The following PRKN variants were observed in gnomAD, a reference collection of about 807,000 sequenced individuals.
PRKN encodes the protein E3 ubiquitin-protein ligase parkin.
A neutral mutation model predicts 59.5 loss-of-function variants in PRKN; 56 were observed. The ratio of observed to expected loss-of-function variants is 0.94; its 90% CI spans 0.76 to 1.18. The LOEUF is 1.18. Among genes scored for constraint, PRKN ranks in the 50% most tolerant of loss-of-function variants. The pLI, the probability that PRKN is intolerant of heterozygous loss-of-function variation, is 0.00. For missense variants in PRKN, 657 were observed against 596.4 expected (o/e 1.10, Z -1.06); for synonymous variants, 250 against 222.1 (o/e 1.13, Z -1.12).
chr6:161,803,240 T>G (rs1230657105), intron 6 of PRKN, among the ~76,000 whole-genome samples: 2 of 152,214 alleles, frequency 1.3e-5, no homozygotes, highest in African/African-American at 2.4e-5. Context: ...GGTCTTCATT[T>G]CCTAATGAGG....
chr6:162,146,251 C>T (rs1311796561), intron 4 of PRKN, among the ~76,000 whole-genome samples: 1 of 152,046 alleles, frequency 6.6e-6, no homozygotes, highest in Non-Finnish European at 1.5e-5. Flanking sequence ...ATGACGATGT[C>T]ATTGAACAAT....
chr6:162,513,314 A>G (rs990215726), intron 1 of PRKN, among the ~76,000 whole-genome samples: 1 of 151,972 alleles, frequency 6.6e-6, no homozygotes, highest in African/African-American at 2.4e-5. Flanking sequence ...CTTCACCTCT[A>G]CTAAAAATAC....
At chr6:162,377,993 G>C (rs1745756653) in intron 2 of PRKN, among the ~76,000 whole-genome samples, 1 of 152,208 alleles carries the variant, frequency 6.6e-6, no homozygotes, top group Non-Finnish European at 1.5e-5. Context: ...TCTCCCAGCA[G>C]AGTGTGGGCA....
chr6:161,430,025 G>A (rs1309638443), intron 9 of PRKN, among the ~76,000 whole-genome samples: 1 of 152,174 alleles, frequency 6.6e-6, no homozygotes, highest in African/African-American at 2.4e-5. Flanking sequence ...CTCACAGGGT[G>A]GTTTGAAATG....
At chr6:162,217,444 T>C (rs556258962) in intron 3 of PRKN, among the ~76,000 whole-genome samples, 2 of 152,252 alleles carry the variant, frequency 1.3e-5, no homozygotes, top group Admixed American at 6.5e-5. Context: ...GCAATGGTGC[T>C]ACCTCAGCTC....
chr6:162,242,015 G>A (rs886847617), intron 3 of PRKN, among the ~76,000 whole-genome samples: 1 of 151,418 alleles, frequency 6.6e-6, no homozygotes, highest in Non-Finnish European at 1.5e-5. Context: ...CACATTCCAT[G>A]GATAATTCTA....
chr6:162,301,613 G>A (rs1365183424), intron 2 of PRKN, among the ~76,000 whole-genome samples: 1 of 152,078 alleles, frequency 6.6e-6, no homozygotes. Context: ...CCTTTTCTCT[G>A]TGTTTGTGCT....
At chr6:162,721,469 G>A (rs943132231) in intron 1 of PRKN, among the ~76,000 whole-genome samples, 4 of 152,000 alleles carry the variant, frequency 2.6e-5, no homozygotes, top group African/African-American at 9.7e-5. Context: ...CCTTGACAAA[G>A]CTTATCTGGT....
intron 2 of PRKN, among the ~76,000 whole-genome samples, chr6:162,320,900 C>T (rs775510031): frequency 5.3e-5 from 8 of 150,082 alleles, no homozygotes; most frequent in Non-Finnish European, 1.2e-4. Context: ...AAGCAATATG[C>T]AAAGAAAATT....
Position 161,914,174 on chromosome 6 carries a change from T to G in PRKN, c.734+59128A>C, listed in dbSNP as rs975993702. The stretch of plus-strand genomic sequence containing the variant: ...ACCCTTAACAACCTCATTCAATAAT[T>G]TGCAACACAGCTATACAACGTAACA... On this transcript the variant is annotated intron_variant, in intron 6 of 11. Transcript: ENST00000366898. Among the ~76,000 whole-genome samples, 4 of 152,284 alleles carry G rather than the reference T, an allele frequency of 2.6e-5. No individual in the cohort carries two copies. In the South Asian group the frequency reaches 8.3e-4, roughly 32 times the overall value.
At chr6:162,379,246 A>G (rs1296896502) in intron 2 of PRKN, among the ~76,000 whole-genome samples, 2 of 152,112 alleles carry the variant, frequency 1.3e-5, no homozygotes, top group Non-Finnish European at 2.9e-5. Flanking sequence ...GGATACCAGC[A>G]TTTACAAAGG....
At chr6:162,557,212 A>G (rs1489578336) in intron 1 of PRKN, among the ~76,000 whole-genome samples, 2 of 152,228 alleles carry the variant, frequency 1.3e-5, no homozygotes, top group African/African-American at 4.8e-5. Flanking sequence ...AAATGCTATG[A>G]ACTGCCACAC....
intron 4 of PRKN, among the ~76,000 whole-genome samples, chr6:162,089,415 A>G (rs1779381850): frequency 6.6e-6 from 1 of 152,238 alleles, no homozygotes; most frequent in South Asian, 2.1e-4. Flanking sequence ...GGTGCTGTCA[A>G]GAACATAGGT....
At position 161,518,277 on chromosome 6, in the gene PRKN, G is replaced by T. The variant is rs1778690753; in HGVS notation, c.1083+30577C>A. On this transcript the variant is annotated intron_variant, in intron 9 of 11. Coordinates refer to ENST00000366898, the MANE Select transcript of PRKN (RefSeq NM_004562.3). The surrounding 1 kb of genome is among the most constrained non-coding windows in gnomAD (Gnocchi z 5.0). ...CTGGCGCTGAAATTCTCTCAGGACA[G>T]CTCAGCCCTGCTTTCCAGAAGATGA... Among the ~76,000 whole-genome samples, 1 of 152,196 alleles carries T rather than the reference G, an allele frequency of 6.6e-6. No individual in the cohort carries two copies. The highest frequency in any genetic ancestry group is 2.1e-4 in the South Asian group (1 of 4,838).
At chr6:161,748,736 TGTATGGAGA>T (rs1480662551) in intron 7 of PRKN, among the ~76,000 whole-genome samples, 1 of 151,952 alleles carries the variant, frequency 6.6e-6, no homozygotes, top group Non-Finnish European at 1.5e-5. Context: ...ACGCGGGGAG[TGTATGGAGA>T]GCCATACCCC....
intron 1 of PRKN, among the ~76,000 whole-genome samples, chr6:162,679,991 G>A (rs1396658272): frequency 2.0e-5 from 3 of 152,074 alleles, no homozygotes; most frequent in African/African-American, 7.2e-5. Flanking sequence ...CCTATTCAAT[G>A]TTAATGTTAA....
intron 5 of PRKN, among the ~76,000 whole-genome samples, chr6:162,053,623 AAT>A (rs1777738106): frequency 6.6e-6 from 1 of 152,212 alleles, no homozygotes; most frequent in African/African-American, 2.4e-5. Flanking sequence ...TATATTTTGT[AAT>A]AGTCCACTAT....
Position 161,880,694 on chromosome 6 carries a change from A to C in PRKN, c.734+92608T>G, listed in dbSNP as rs147822149. On this transcript the variant is annotated intron_variant, in intron 6 of 11. Coordinates refer to ENST00000366898, the MANE Select transcript of PRKN (RefSeq NM_004562.3). Reference sequence around the variant, plus strand: ...ACAAGGAGGCCCACTTATATTCCTCAAGCCCAGTGCATCATGAGAAGAACG... The same window carrying C: ...ACAAGGAGGCCCACTTATATTCCTCCAGCCCAGTGCATCATGAGAAGAACG... 5.9e-5 allele frequency among the ~76,000 whole-genome samples: 9 copies of C among 152,250 alleles called. No homozygotes were observed. In the East Asian group the frequency reaches 1.7e-3, roughly 30 times the overall value.
chr6:161,569,988 CATCT>C (rs989841023), intron 7 of PRKN, among the ~76,000 whole-genome samples: 5 of 151,808 alleles, frequency 3.3e-5, no homozygotes, highest in African/African-American at 1.2e-4. Context: ...TTGGAAAGGG[CATCT>C]TACGGAAGGA....
Sources: allele counts gnomAD v4.1 joint callset (sites outside exome capture counted in the v4.1 genomes callset), GRCh38; gene constraint gnomAD v4.1.1; non-coding constraint Gnocchi (gnomAD v3.1); transcripts MANE v1.5; gene names NCBI Gene and HGNC (gene_info 2026-07-23, HGNC 2026-07-21).